Variants in SPIDR observed in about 807,000 individuals in gnomAD.
SPIDR encodes the protein DNA repair-scaffolding protein.
SPIDR carries 93 observed loss-of-function variants against 104.6 expected under a neutral mutation model. That is an observed-to-expected ratio of 0.89 (90% confidence interval 0.75 to 1.06). The LOEUF (loss-of-function observed/expected upper bound fraction) is 1.06. Among genes scored for constraint, SPIDR ranks in the 50% least tolerant of loss-of-function variants. The pLI, the probability that SPIDR is intolerant of heterozygous loss-of-function variation, is 0.00. For missense variants in SPIDR, 1,154 were observed against 1,111.2 expected (o/e 1.04, Z -0.55); for synonymous variants, 431 against 416.9 (o/e 1.03, Z -0.41).
chr8:47,351,130 G>T (rs1184570174), intron 5 of SPIDR, among the ~76,000 whole-genome samples: 1 of 152,160 alleles, frequency 6.6e-6, no homozygotes, highest in Non-Finnish European at 1.5e-5. Context: ...ACCCCAAAAT[G>T]CAAGAATAGT....
chr8:47,352,829 C>G (rs1482695498), intron 5 of SPIDR, among the ~76,000 whole-genome samples: 1 of 151,734 alleles, frequency 6.6e-6, no homozygotes, highest in Admixed American at 6.6e-5. Context: ...TTTGGTAGGC[C>G]GAGTCGATGA....
At chr8:47,505,872 C>T (rs900540782) in intron 8 of SPIDR, among the ~76,000 whole-genome samples, 10 of 152,128 alleles carry the variant, frequency 6.6e-5, no homozygotes, top group African/African-American at 1.2e-4. Flanking sequence ...AATTTTTTTC[C>T]GTCACTTCTC....
rs1205014478 is a variant in SPIDR, at chr8:47,293,857, T to C, written c.362-10T>C. The C allele has an allele frequency of 2.5e-6, 4 of 1,598,454 alleles. No homozygotes were observed. The highest frequency in any genetic ancestry group is 1.1e-5 in the South Asian group (1 of 89,066). ...AGATAATTAAGCAAGTTAAAAATTA[T>C]ATTTTTTAGATGAATTACAGTTTAT... On this transcript the variant is annotated splice_polypyrimidine_tract_variant and intron_variant, in intron 4 of 19. Transcript: ENST00000297423.
chr8:47,616,403 G>A (rs1202756723), intron 10 of SPIDR, among the ~76,000 whole-genome samples: 1 of 152,112 alleles, frequency 6.6e-6, no homozygotes. Context: ...TGCTTTTTCT[G>A]CACAGTATAA....
intron 10 of SPIDR, among the ~76,000 whole-genome samples, chr8:47,647,613 C>CAAAAGAGAGA (rs1554540025): frequency 4.9e-5 from 1 of 20,496 alleles, no homozygotes; most frequent in South Asian, 1.3e-3. Flanking sequence ...GACTCCATCT[C>CAAAAGAGAGA]GAAAGAGAGA....
In SPIDR at chr8:47,598,834, A is replaced by G. The variant is rs1437483138; in HGVS notation, c.1294-112A>G. 2.9e-6 allele frequency: 4 copies of G among 1,368,864 alleles called. No individual in the cohort carries two copies. In the Admixed American group the frequency reaches 5.9e-5, roughly 20 times the overall value. 84.8% of individuals were successfully genotyped at this position (1,368,864 alleles called of 1,614,324 possible). ...CATCACTTCAGTGTAGTGCAGATCC[A>G]TTGGGTGGCTGCTTAAGGATGTCAT... On this transcript the variant is annotated intron_variant, in intron 9 of 19. Transcript: ENST00000297423.
chr8:47,303,695 C>T (rs1187995196), intron 5 of SPIDR, among the ~76,000 whole-genome samples: 4 of 152,148 alleles, frequency 2.6e-5, no homozygotes, highest in African/African-American at 9.7e-5. Flanking sequence ...CTTTGCATCC[C>T]AAGGGTAAAT....
chr8:47,576,579 G>A (rs1270715002), intron 8 of SPIDR, among the ~76,000 whole-genome samples: 2 of 152,048 alleles, frequency 1.3e-5, no homozygotes, highest in African/African-American at 4.8e-5. Context: ...GATTACAGGT[G>A]TGGGCCAGGA....
intron 8 of SPIDR, among the ~76,000 whole-genome samples, chr8:47,466,905 A>T (rs2074909980): frequency 8.0e-6 from 1 of 125,688 alleles, no homozygotes. Flanking sequence ...AAAAAAATAT[A>T]TATATATATA....
intron 2 of SPIDR, among the ~76,000 whole-genome samples, chr8:47,281,325 A>C (rs2037733786): frequency 6.6e-6 from 1 of 152,196 alleles, no homozygotes; most frequent in Non-Finnish European, 1.5e-5. Context: ...AAAATAAGGC[A>C]AAAGTGAAGT....
intron 5 of SPIDR, among the ~76,000 whole-genome samples, chr8:47,347,902 A>G (rs1358843718): frequency 1.3e-5 from 2 of 151,936 alleles, no homozygotes; most frequent in African/African-American, 2.4e-5. Context: ...GCTCTATCCA[A>G]TTTGCTCGTC....
chr8:47,554,469 C>T (rs2091045670), intron 8 of SPIDR, among the ~76,000 whole-genome samples: 2 of 152,246 alleles, frequency 1.3e-5, no homozygotes, highest in South Asian at 2.1e-4. Context: ...CCTCCCCCAG[C>T]CTCGCTGTCG....
At chr8:47,277,271 T>C (rs912206053) in intron 1 of SPIDR, among the ~76,000 whole-genome samples, 14 of 152,030 alleles carry the variant, frequency 9.2e-5, no homozygotes, top group Non-Finnish European at 1.6e-4. Context: ...CATTGCTAGA[T>C]CTTGGTGGTT....
chr8:47,635,935 C>T (rs10093950), intron 10 of SPIDR, among the ~76,000 whole-genome samples: 4,220 of 152,264 alleles, frequency 0.028, 203 homozygotes, highest in African/African-American at 0.095. Flanking sequence ...ATGTAGAGAA[C>T]TTTAGTCAGA....
At chr8:47,671,247 G>A (rs533951496) in intron 10 of SPIDR, among the ~76,000 whole-genome samples, 11 of 152,150 alleles carry the variant, frequency 7.2e-5, no homozygotes, top group African/African-American at 2.4e-4. Flanking sequence ...CAGTAAATAC[G>A]TCAGGTTCTG....
intron 8 of SPIDR, among the ~76,000 whole-genome samples, chr8:47,526,610 G>A (rs944978932): frequency 4.6e-5 from 7 of 152,280 alleles, no homozygotes; most frequent in East Asian, 1.9e-4. Flanking sequence ...AAATGAAACC[G>A]TTCAGGAGAT....
chr8:47,347,297 C>T (rs994743776), intron 5 of SPIDR, among the ~76,000 whole-genome samples: 1 of 152,202 alleles, frequency 6.6e-6, no homozygotes, highest in Non-Finnish European at 1.5e-5. Flanking sequence ...CTTGATTGCA[C>T]TGTGGTCTGA....
chr8:47,554,709 A>G (rs2091095956), intron 8 of SPIDR, among the ~76,000 whole-genome samples: 1 of 152,192 alleles, frequency 6.6e-6, no homozygotes, highest in Non-Finnish European at 1.5e-5. Context: ...CGGGTGAGGC[A>G]GTGCCCCACC....
intron 8 of SPIDR, among the ~76,000 whole-genome samples, chr8:47,474,177 T>C (rs2076039008): frequency 6.6e-6 from 1 of 152,228 alleles, no homozygotes; most frequent in African/African-American, 2.4e-5. Context: ...ACCTGTCTGA[T>C]GAATGATTGC....
Sources: allele counts gnomAD v4.1 joint callset (sites outside exome capture counted in the v4.1 genomes callset), GRCh38; gene constraint gnomAD v4.1.1; transcripts MANE v1.5; gene names NCBI Gene and HGNC (gene_info 2026-07-23, HGNC 2026-07-21).